Variants in KCNAB1 observed in about 807,000 individuals in gnomAD.
The protein encoded by KCNAB1 is potassium voltage-gated channel subfamily A regulatory beta subunit 1, also known as voltage-gated potassium channel subunit beta-1.
Under a neutral mutation model 64.6 loss-of-function variants are expected in KCNAB1, and 35 were observed. The observed-to-expected ratio is 0.54, with a 90% CI of 0.41 to 0.72. The LOEUF (loss-of-function observed/expected upper bound fraction) is 0.72, where lower values mean the gene tolerates loss of function less well. Among genes scored for constraint, KCNAB1 ranks in the 30% least tolerant of loss-of-function variants. The pLI is 0.00. For missense variants in KCNAB1, 401 were observed against 512.9 expected (o/e 0.78, Z 2.11); for synonymous variants, 177 against 183.8 (o/e 0.96, Z 0.30).
chr3:156,317,909 C>T (rs1168817611), intron 1 of KCNAB1, among the ~76,000 whole-genome samples: 1 of 151,820 alleles, frequency 6.6e-6, no homozygotes. Flanking sequence ...TAGCATATTG[C>T]TTCCATTAAA....
rs925093416 is a variant in KCNAB1 at position 156,491,840 on chromosome 3, G to A, written c.658+17020G>A. 3.9e-5 allele frequency among the ~76,000 whole-genome samples: 6 copies of A among 152,084 alleles called. No homozygotes were observed. In the East Asian group the frequency reaches 1.2e-3, roughly 29 times the overall value. ...AATATTATTCCTTGATGAAAAAATA[G>A]GAGGTGATAAAATTAGGAAACAATA... On this transcript the variant is annotated intron_variant, in intron 8 of 13. Coordinates refer to ENST00000490337, the MANE Select transcript of KCNAB1 (RefSeq NM_172160.3).
At chr3:156,402,161 A>AG (rs1491297544) in intron 1 of KCNAB1, among the ~76,000 whole-genome samples, 1 of 151,956 alleles carries the variant, frequency 6.6e-6, no homozygotes. Context: ...TAAAAAAAAA[A>AG]AGAGAGAAAA....
intron 1 of KCNAB1, among the ~76,000 whole-genome samples, chr3:156,228,394 C>T (rs775881695): frequency 6.6e-6 from 1 of 152,224 alleles, no homozygotes; most frequent in Non-Finnish European, 1.5e-5. Context: ...CTCCATTTGA[C>T]TGTTACAGAT....
intron 11 of KCNAB1, among the ~76,000 whole-genome samples, chr3:156,517,712 T>C (rs1717650478): frequency 6.6e-6 from 1 of 152,242 alleles, no homozygotes; most frequent in African/African-American, 2.4e-5. Context: ...AGGTGACTTT[T>C]AGTCAGTTGA....
At chr3:156,527,323 TTATATA>T (rs1243143263) in intron 12 of KCNAB1, among the ~76,000 whole-genome samples, 2 of 152,068 alleles carry the variant, frequency 1.3e-5, no homozygotes, top group African/African-American at 4.8e-5. Context: ...TAAAGGGAAA[TTATATA>T]TATAAAGCAA....
chr3:156,195,383 C>G (rs956087441), intron 1 of KCNAB1, among the ~76,000 whole-genome samples: 10 of 152,226 alleles, frequency 6.6e-5, no homozygotes, highest in Admixed American at 6.5e-4. Flanking sequence ...AATGGTTGAA[C>G]TAACTTACAC....
chr3:156,130,516 C>T (rs1486081011), intron 1 of KCNAB1, among the ~76,000 whole-genome samples: 1 of 152,198 alleles, frequency 6.6e-6, no homozygotes, highest in Non-Finnish European at 1.5e-5. Flanking sequence ...TTATGATCTT[C>T]ACTTTGTGGA....
At chr3:156,146,844 CA>C (rs1467665499) in intron 1 of KCNAB1, among the ~76,000 whole-genome samples, 1 of 152,164 alleles carries the variant, frequency 6.6e-6, no homozygotes, top group Non-Finnish European at 1.5e-5. Context: ...GTGGGCCATA[CA>C]AAAACAGGTG....
intron 1 of KCNAB1, among the ~76,000 whole-genome samples, chr3:156,186,010 A>G (rs965423430): frequency 1.3e-5 from 2 of 152,160 alleles, no homozygotes; most frequent in African/African-American, 2.4e-5. Context: ...CAAGTTTGGG[A>G]AATCTAAATA....
intron 1 of KCNAB1, chr3:156,143,283 C>T: frequency 1.2e-6 from 2 of 1,613,748 alleles, no homozygotes. Context: ...TAGCAGTGAC[C>T]AAGACTCAGC....
At chr3:156,200,234 G>GCT (rs980051352) in intron 1 of KCNAB1, among the ~76,000 whole-genome samples, 1 of 152,182 alleles carries the variant, frequency 6.6e-6, no homozygotes, top group Non-Finnish European at 1.5e-5. Context: ...GCCAGCCAGA[G>GCT]CTCTCCTGTA....
intron 8 of KCNAB1, among the ~76,000 whole-genome samples, chr3:156,490,307 T>C (rs1489956668): frequency 6.6e-6 from 1 of 152,134 alleles, no homozygotes; most frequent in East Asian, 1.9e-4. Context: ...ATGGCACTAG[T>C]GGACAAACAC....
chr3:156,161,405 CT>C (rs1375394226), intron 1 of KCNAB1, among the ~76,000 whole-genome samples: 5 of 152,084 alleles, frequency 3.3e-5, no homozygotes, highest in Non-Finnish European at 5.9e-5. Context: ...TATTGATGAC[CT>C]AACTGAAAGA....
chr3:156,179,000 C>CAAAA (rs200144513), intron 1 of KCNAB1, among the ~76,000 whole-genome samples: 14 of 108,072 alleles, frequency 1.3e-4, no homozygotes, highest in African/African-American at 4.2e-4. Flanking sequence ...GACTCCGTCT[C>CAAAA]AAAAAAAAAA....
intron 13 of KCNAB1, among the ~76,000 whole-genome samples, chr3:156,535,525 T>A (rs1306854344): frequency 6.6e-6 from 1 of 152,190 alleles, no homozygotes; most frequent in African/African-American, 2.4e-5. Flanking sequence ...CGGCAGCTAC[T>A]AAGCTCCACA....
intron 1 of KCNAB1, among the ~76,000 whole-genome samples, chr3:156,229,380 G>T (rs1716383279): frequency 6.6e-6 from 1 of 152,118 alleles, no homozygotes; most frequent in Non-Finnish European, 1.5e-5. Flanking sequence ...CAAGAGACCA[G>T]CAAAGGAGAA....
chr3:156,365,802 A>G (rs1725908127), intron 1 of KCNAB1, among the ~76,000 whole-genome samples: 4 of 152,206 alleles, frequency 2.6e-5, no homozygotes, highest in Admixed American at 2.6e-4. Context: ...ACAAGATTCT[A>G]AACTCCAGGA....
At chr3:156,128,908 A>C (rs1263210982) in intron 1 of KCNAB1, among the ~76,000 whole-genome samples, 1 of 152,258 alleles carries the variant, frequency 6.6e-6, no homozygotes, top group Non-Finnish European at 1.5e-5. Flanking sequence ...ATTGAGAGGA[A>C]AACATTCACT....
chr3:156,196,394 T>C (rs528028596), intron 1 of KCNAB1, among the ~76,000 whole-genome samples: 71 of 152,202 alleles, frequency 4.7e-4, no homozygotes, highest in Non-Finnish European at 9.1e-4. Context: ...ATAAATTACT[T>C]TGGGCAGTTT....
Sources: allele counts gnomAD v4.1 joint callset (sites outside exome capture counted in the v4.1 genomes callset), GRCh38; gene constraint gnomAD v4.1.1; transcripts MANE v1.5; gene names NCBI Gene and HGNC (gene_info 2026-07-23, HGNC 2026-07-21).